Variants in BPIFB1 observed in about 807,000 individuals in gnomAD.
The protein encoded by BPIFB1 is BPI fold containing family B member 1.
A neutral mutation model predicts 55.1 loss-of-function variants in BPIFB1; 34 were observed. The observed-to-expected ratio is 0.62, with a 90% CI of 0.47 to 0.82. The LOEUF is 0.82. Ranked by LOEUF, BPIFB1 falls within the 40% of genes least tolerant of loss-of-function variation. The pLI is 0.00. For missense variants in BPIFB1, 532 were observed against 593.1 expected (o/e 0.90, Z 1.07); for synonymous variants, 236 against 245.3 (o/e 0.96, Z 0.35).
chr20:33,305,944 A>C, intron 13 of BPIFB1, 58 bp from the exon 14 acceptor site: 1 of 1,584,166 alleles, frequency 6.3e-7, no homozygotes, highest in Non-Finnish European at 8.7e-7. Context: ...ACGAAGAATG[A>C]TGGGGGGGAA....
Position 33,291,116 on chromosome 20 carries a change from G to T in BPIFB1, c.515+10G>T. 1 of 1,608,084 alleles carries T rather than the reference G, an allele frequency of 6.2e-7. No homozygotes were observed. ...TCCAACTGCTGCATAAGTGAGTGTC[G>T]CTGGCCACCAGCCGGGCTCCCATCC... On this transcript the variant is annotated intron_variant, in intron 5 of 15. Transcript: ENST00000253354.
In BPIFB1 at chr20:33,306,961, G is replaced by C. The variant is rs747587161; in HGVS notation, c.1369G>C (p.Glu457Gln). Residue 457 changes from glutamate (E) to glutamine (Q), a missense_variant, in exon 15 of 16, where the codon GAG becomes CAG. Glu to Gln is a conservative substitution (Grantham distance 29). Coordinates refer to ENST00000253354, the MANE Select transcript of BPIFB1 (RefSeq NM_033197.3). ...PVSLVKALGF[E>Q]AAESSLTKDA... ...GTCATTGGTGAAGGCCTTGGGATTCGAGGCAGCTGAGTCCTCACTGACCAA... is the reference window on the plus strand; with the variant it reads ...GTCATTGGTGAAGGCCTTGGGATTCCAGGCAGCTGAGTCCTCACTGACCAA... 4.3e-6 allele frequency: 7 copies of C among 1,614,078 alleles called. No individual in the cohort carries two copies. The highest frequency in any genetic ancestry group is 3.3e-5 in the South Asian group (3 of 91,090).
Position 33,303,055 on chromosome 20 carries a change from C to G in BPIFB1, c.1121C>G (p.Pro374Arg), listed in dbSNP as rs1363943351. 1.2e-6 allele frequency: 2 copies of G among 1,613,958 alleles called. No homozygotes were observed. The highest frequency in any genetic ancestry group is 2.2e-5 in the South Asian group (2 of 91,066). ...TTTCCCTCCAGTGAAGCCCTCCGCC[C>G]TTTGTTCACCCTGGGCATCGTGAGT... ...EVFPSSEALR[P>R]LFTLGIEASS... The change falls in exon 11 of 16, where the codon CCT becomes CGT. Residue 374 changes from proline (P) to arginine (R), a missense_variant. By Grantham distance (103) the Pro-to-Arg change is moderately radical. Transcript: ENST00000253354.
Position 33,293,088 on chromosome 20 carries a change from GT to G in BPIFB1, c.597+1105del, listed in dbSNP as rs1297154665. 5.3e-5 allele frequency among the ~76,000 whole-genome samples: 8 copies of G among 152,200 alleles called. No individual in the cohort carries two copies. The East Asian group carries it at 1.4e-3, about 26-fold the overall frequency. On this transcript the variant is annotated intron_variant, in intron 6 of 15. Transcript: ENST00000253354. ...AGATGAGCACCACCAGGCATGGCTA[GT>G]TTTTATATTTTTAGTAGAGACAAGG...
At chr20:33,288,916 C>CT in intron 3 of BPIFB1, 34 bp downstream of exon 3, 1 of 1,590,842 alleles carries the variant, frequency 6.3e-7, no homozygotes, top group South Asian at 1.1e-5. Flanking sequence ...GGAGCTAGCC[C>CT]CTTCCCACAC....
chr20:33,301,706 T>C (rs1980858664), intron 9 of BPIFB1, among the ~76,000 whole-genome samples: 1 of 152,158 alleles, frequency 6.6e-6, no homozygotes, highest in South Asian at 2.1e-4. Flanking sequence ...CCAGGGGTGA[T>C]AAATACATCT....
At chr20:33,300,784 C>A (rs1162307701) in intron 8 of BPIFB1, among the ~76,000 whole-genome samples, 1 of 152,030 alleles carries the variant, frequency 6.6e-6, no homozygotes, top group Non-Finnish European at 1.5e-5. Flanking sequence ...GATGGGGTTC[C>A]GCCATGTTGC....
Position 33,298,794 on chromosome 20 carries a change from CT to C in BPIFB1, c.662-1091del, listed in dbSNP as rs11421243. ...TCTACCGCCGTTTCTTTCCTTTTTT[CT>C]TTTTTTTTTTTTTAATTCCCAAAGA... On this transcript the variant is annotated intron_variant, in intron 7 of 15. Transcript: ENST00000253354. 6.8e-3 allele frequency: 988 copies of C among 146,318 alleles called. 2 individuals carry two copies. The highest frequency in any genetic ancestry group is 0.011 in the African/African-American group (437 of 39,086). 9.1% of individuals were successfully genotyped at this position (146,318 alleles called of 1,614,324 possible).
chr20:33,307,092 C>T, intron 15 of BPIFB1, 105 bp downstream of exon 15: 1 of 1,031,992 alleles, frequency 9.7e-7, no homozygotes, highest in Non-Finnish European at 1.5e-6. Flanking sequence ...TACAGGTGAC[C>T]CTGGGCAAGT....
intron 7 of BPIFB1, among the ~76,000 whole-genome samples, chr20:33,298,314 C>T (rs1177079171): frequency 1.3e-5 from 2 of 152,232 alleles, no homozygotes; most frequent in Non-Finnish European, 2.9e-5. Context: ...GGAAGGAAGT[C>T]ATTTCTCCCT....
intron 6 of BPIFB1, among the ~76,000 whole-genome samples, chr20:33,296,607 T>C (rs1283929602): frequency 1.3e-5 from 2 of 152,172 alleles, no homozygotes; most frequent in African/African-American, 4.8e-5. Flanking sequence ...CTATGCACAG[T>C]AGGATGTTTA....
chr20:33,291,132 G>A (rs750539402), intron 5 of BPIFB1, 26 bp downstream of exon 5: 1 of 1,605,036 alleles, frequency 6.2e-7, no homozygotes, highest in Non-Finnish European at 8.5e-7. Context: ...CACCAGCCGG[G>A]CTCCCATCCT....
chr20:33,291,587 G>C (rs1980473800), intron 5 of BPIFB1, among the ~76,000 whole-genome samples: 1 of 152,234 alleles, frequency 6.6e-6, no homozygotes, highest in Non-Finnish European at 1.5e-5. Context: ...ACTCAGAACA[G>C]TGCACGCGCA....
intron 2 of BPIFB1, among the ~76,000 whole-genome samples, chr20:33,287,978 C>T (rs897070063): frequency 2.0e-5 from 3 of 152,190 alleles, no homozygotes; most frequent in African/African-American, 7.2e-5. Flanking sequence ...AGTTCCATTA[C>T]CACAGAGCAG....
chr20:33,291,967 G>A lies in BPIFB1; in HGVS notation c.576G>A (p.Leu192=), dbSNP rs1980486792. 3.1e-6 allele frequency: 5 copies of A among 1,614,214 alleles called. No homozygotes were observed. Among genetic ancestry groups the A allele is most frequent in the East Asian group, 4.5e-5 (2 of 44,888 alleles). The change falls in exon 6 of 16, where the codon CTG becomes CTA. Residue 192 remains leucine, a synonymous_variant. Transcript: ENST00000253354. ...TCATGAACCTCCTAGTGCCATCCCT[G>A]CCCAATCTAGTGAAAAACCAGGTGA... The part of the protein sequence containing the change: ...KQVMNLLVPS[L]PNLVKNQLCP...
At chr20:33,283,452 C>T (rs967567453) in intron 1 of BPIFB1, among the ~76,000 whole-genome samples, 198 bp downstream of exon 1, 2 of 152,090 alleles carry the variant, frequency 1.3e-5, no homozygotes, top group African/African-American at 2.4e-5. Context: ...AGGGCAGTGA[C>T]GAAGGGATGG....
At chr20:33,286,276 C>A in intron 2 of BPIFB1, 88 bp downstream of exon 2, 1 of 1,160,526 alleles carries the variant, frequency 8.6e-7, no homozygotes. Context: ...TTCCTCATCA[C>A]GGGGGATGTG....
At chr20:33,285,728 A>AG (rs1210546910) in intron 1 of BPIFB1, among the ~76,000 whole-genome samples, 16 of 149,810 alleles carry the variant, frequency 1.1e-4, no homozygotes, top group African/African-American at 4.0e-4. Context: ...AAAAAAAAAA[A>AG]AAAAGAAAGA....
intron 7 of BPIFB1, 84 bp downstream of exon 7, chr20:33,297,672 C>T (rs1183819977): frequency 1.4e-6 from 2 of 1,406,474 alleles, no homozygotes; most frequent in East Asian, 2.3e-5. Context: ...GAAGGCCTCC[C>T]CAAGTCAGGC....
Sources: gnomAD v4.1 joint callset for allele counts (sites outside exome capture counted in the v4.1 genomes callset) on GRCh38, gnomAD v4.1.1 for gene constraint, MANE v1.5 for transcripts, NCBI Gene and HGNC (gene_info 2026-07-23, HGNC 2026-07-21) for gene names.